Variants in MAP3K4 observed in about 807,000 individuals in gnomAD.
MAP3K4 encodes MAP three kinase 1.
MAP3K4 carries 67 observed loss-of-function variants against 185.6 expected under a neutral mutation model. The ratio of observed to expected loss-of-function variants is 0.36; its 90% CI spans 0.30 to 0.44. MAP3K4 has a LOEUF of 0.44. Among genes scored for constraint, MAP3K4 ranks in the 20% least tolerant of loss-of-function variants. The probability of loss-of-function intolerance (pLI) is 1.00; values close to 1 mark genes in which losing one functional copy is unlikely to be tolerated. For missense variants in MAP3K4, 1,551 were observed against 1,995.1 expected (o/e 0.78, Z 4.24); for synonymous variants, 702 against 710.4 (o/e 0.99, Z 0.19).
intron 1 of MAP3K4, among the ~76,000 whole-genome samples, chr6:161,001,006 ACACATAT>A (rs1781272130): frequency 1.4e-5 from 1 of 72,394 alleles, no homozygotes; most frequent in Non-Finnish European, 2.7e-5. Flanking sequence ...ATTATAATAT[ACACATAT>A]GTATATAATA....
intron 2 of MAP3K4, among the ~76,000 whole-genome samples, chr6:161,044,974 G>A (rs1182552893): frequency 2.0e-5 from 3 of 152,046 alleles, no homozygotes; most frequent in African/African-American, 7.2e-5. Flanking sequence ...CCAACACTGG[G>A]GGTCACATTT....
intron 1 of MAP3K4, among the ~76,000 whole-genome samples, chr6:161,006,597 G>A (rs1294807495): frequency 6.6e-6 from 1 of 152,122 alleles, no homozygotes; most frequent in Non-Finnish European, 1.5e-5. Flanking sequence ...ATCCCTCGTA[G>A]ATACTGAAGG....
At position 161,087,753 on chromosome 6, in the gene MAP3K4, T is replaced by C; in HGVS notation, c.2622T>C (p.Ser874=). The C allele has an allele frequency of 6.2e-7, 1 of 1,614,016 alleles. No individual in the cohort carries two copies. ...CAGACACTCTTGCTGAGGAGAAGAGTATTATTTTGCAGTTACTCAATGCAG... is the reference window on the plus strand; with the variant it reads ...CAGACACTCTTGCTGAGGAGAAGAGCATTATTTTGCAGTTACTCAATGCAG... ...FVPDTLAEEK[S]IILQLLNAAA... is the part of the protein sequence containing the mutation. The change falls in exon 10 of 27, where the codon AGT becomes AGC. Residue 874 remains serine, a synonymous_variant. Transcript: ENST00000392142. This position sits in a 1 kb window ranked among gnomAD's most constrained non-coding sequence, Gnocchi z 4.9.
rs2115070385 is a variant in MAP3K4 at position 161,008,934 on chromosome 6, A to G, written c.152+16851A>G. 6.6e-6 allele frequency among the ~76,000 whole-genome samples: 1 copy of G among 151,012 alleles called. No individual in the cohort carries two copies. Among genetic ancestry groups the G allele is most frequent in the Non-Finnish European group, 1.5e-5 (1 of 67,842 alleles). ...ATTTTGCTCAATGGGTATAATGTTT[A>G]TACCCATTGTATAAATGTATCATGG... is the stretch of plus-strand genomic sequence containing the variant. On this transcript the variant is annotated intron_variant, in intron 1 of 26. Transcript: ENST00000392142. The surrounding 1 kb of genome is among the most constrained non-coding windows in gnomAD (Gnocchi z 4.1).
In MAP3K4 at chr6:161,048,490, C is replaced by CT; in HGVS notation, c.344-118dup. On this transcript the variant is annotated intron_variant, in intron 2 of 26. Transcript: ENST00000392142. The surrounding 1 kb of genome is among the most constrained non-coding windows in gnomAD (Gnocchi z 4.7). ...CCTTTAATTTTTAGGATATGGTATG[C>CT]TTTTTTTTCTTCCATTAGCAGTCTG... The CT allele has an allele frequency of 4.4e-5, 27 of 620,666 alleles. No individual in the cohort carries two copies. Among genetic ancestry groups the CT allele is most frequent in the Middle Eastern group, 4.4e-4 (1 of 2,286 alleles). 38.4% of individuals were successfully genotyped at this position (620,666 alleles called of 1,614,324 possible).
Position 161,085,097 on chromosome 6 carries a change from G to A in MAP3K4, c.2372+480G>A, listed in dbSNP as rs181313978. On this transcript the variant is annotated intron_variant, in intron 7 of 26. Coordinates refer to ENST00000392142, the MANE Select transcript of MAP3K4 (RefSeq NM_005922.4). ...GGAGGCAGAGGTTGCAGTGAGCCAA[G>A]ATCATGCCACTGCACTCCAGCCTGG... is the stretch of plus-strand genomic sequence containing the variant. Among the ~76,000 whole-genome samples, 57 of 150,666 alleles carry A rather than the reference G, an allele frequency of 3.8e-4. No individual in the cohort carries two copies. In the South Asian group the frequency reaches 5.8e-3, roughly 15 times the overall value.
At position 161,031,701 on chromosome 6, in the gene MAP3K4, G is replaced by A. The variant is rs144983288; in HGVS notation, c.153-2558G>A. Among the ~76,000 whole-genome samples, 552 of 152,070 alleles carry A rather than the reference G, an allele frequency of 3.6e-3. 2 individuals are homozygous for A. Among genetic ancestry groups the A allele is most frequent in the Non-Finnish European group, 5.5e-3 (377 of 67,980 alleles). On this transcript the variant is annotated intron_variant, in intron 1 of 26. Transcript: ENST00000392142. The stretch of plus-strand genomic sequence containing the variant: ...CAAAACAGACCATTTTATATTTTTC[G>A]TAGCCCTTTGTTTCCATTACTTTAA...
chr6:161,023,428 T>C (rs569303636), intron 1 of MAP3K4, among the ~76,000 whole-genome samples: 8 of 152,332 alleles, frequency 5.3e-5, no homozygotes, highest in African/African-American at 1.9e-4. Context: ...AATCAGTATG[T>C]TTAGGTTATG....
chr6:161,098,212 G>T lies in MAP3K4; in HGVS notation c.3525-66G>T. On this transcript the variant is annotated intron_variant, in intron 16 of 26. Coordinates refer to ENST00000392142, the MANE Select transcript of MAP3K4 (RefSeq NM_005922.4). The surrounding 1 kb of genome is among the most constrained non-coding windows in gnomAD (Gnocchi z 4.4). ...CCCTTGCCATATTTTATTTTTAATT[G>T]AAAACAATTTTCAAGTCCGTTCCCT... 1.2e-5 allele frequency: 17 copies of T among 1,457,650 alleles called. No homozygotes were observed. Among genetic ancestry groups the T allele is most frequent in the South Asian group, 7.1e-5 (5 of 70,134 alleles). 90.3% of individuals were successfully genotyped at this position (1,457,650 alleles called of 1,614,324 possible). A position where few individuals can be genotyped will look rare whatever the true frequency, so the allele number is the denominator to read the frequency against.
intron 3 of MAP3K4, among the ~76,000 whole-genome samples, chr6:161,065,912 T>C (rs1583187012): frequency 1.1e-5 from 1 of 94,072 alleles, no homozygotes. Context: ...CACTCCAGCC[T>C]GGGCAAAAGA....
At position 161,065,867 on chromosome 6, in the gene MAP3K4, G is replaced by A. The variant is rs1214380214; in HGVS notation, c.1708-4741G>A. 2.7e-5 allele frequency among the ~76,000 whole-genome samples: 4 copies of A among 149,408 alleles called. No individual in the cohort carries two copies. The Admixed American group carries it at 2.7e-4, about 10-fold the overall frequency. On this transcript the variant is annotated intron_variant, in intron 3 of 26. Transcript: ENST00000392142. ...GCAGGAGAATGGCGTGAACCCGGGA[G>A]GCGGAGCTTGCAGTGAGCCGAGATC...
chr6:161,029,838 GTGTTT>G (rs1185638191), intron 1 of MAP3K4, among the ~76,000 whole-genome samples: 2 of 151,668 alleles, frequency 1.3e-5, no homozygotes, highest in Admixed American at 6.6e-5. Flanking sequence ...TTGTGTATAA[GTGTTT>G]TGTTTGTTTG....
chr6:161,108,011 C>A lies in MAP3K4; in HGVS notation c.4119+42C>A. On this transcript the variant is annotated intron_variant, in intron 21 of 26. Transcript: ENST00000392142. This position sits in a 1 kb window ranked among gnomAD's most constrained non-coding sequence, Gnocchi z 5.7. ...CGTGGGGCCTTTGGGCCTGGCGGCT[C>A]TGGGTGATAGAAATTCCGTATAGAC... 2 of 1,577,586 alleles carry A rather than the reference C, an allele frequency of 1.3e-6. No individual in the cohort carries two copies. The highest frequency in any genetic ancestry group is 1.3e-5 in the African/African-American group (1 of 74,162).
In MAP3K4 at chr6:161,095,637, A is replaced by G. The variant is rs7775538; in HGVS notation, c.3428-1443A>G. ...CAATTGGAGAAATGTCTCCAAGTCA[A>G]CAGGTATTGATCTCACTTGTTCTTT... On this transcript the variant is annotated intron_variant, in intron 15 of 26. Transcript: ENST00000392142. 5.9e-3 allele frequency among the ~76,000 whole-genome samples: 903 copies of G among 152,312 alleles called. 5 individuals carry two copies. The highest frequency in any genetic ancestry group is 9.5e-3 in the Non-Finnish European group (649 of 68,014).
intron 1 of MAP3K4, among the ~76,000 whole-genome samples, chr6:161,020,063 C>T (rs776734331): frequency 6.6e-6 from 1 of 152,172 alleles, no homozygotes; most frequent in Admixed American, 6.5e-5. Context: ...GCTAGTACAA[C>T]AGGAACTTTG....
intron 2 of MAP3K4, among the ~76,000 whole-genome samples, chr6:161,036,529 A>G (rs919330988): frequency 8.5e-5 from 13 of 152,130 alleles, no homozygotes; most frequent in Non-Finnish European, 5.9e-5. Flanking sequence ...ATGCTGTACT[A>G]TCTTTACTAT....
chr6:161,097,215 C>A lies in MAP3K4; in HGVS notation c.3524+39C>A. On this transcript the variant is annotated intron_variant, in intron 16 of 26. Transcript: ENST00000392142. The surrounding 1 kb of genome is among the most constrained non-coding windows in gnomAD (Gnocchi z 4.9). ...ATCTAGTCATTTGCTTTACAGAGTG[C>A]CCTCCGATATGCATGCTCATACTTT... is the stretch of plus-strand genomic sequence containing the variant. 1 of 1,542,690 alleles carries A rather than the reference C, an allele frequency of 6.5e-7. No homozygotes were observed.
At chr6:161,060,764 C>A (rs1035383809) in intron 3 of MAP3K4, among the ~76,000 whole-genome samples, 1 of 151,888 alleles carries the variant, frequency 6.6e-6, no homozygotes, top group Non-Finnish European at 1.5e-5. Context: ...GGATTACAGG[C>A]ATGCGCCACC....
intron 2 of MAP3K4, among the ~76,000 whole-genome samples, chr6:161,045,878 G>A (rs1264330077): frequency 1.3e-5 from 2 of 151,794 alleles, no homozygotes; most frequent in African/African-American, 4.8e-5. Flanking sequence ...TCATTTATTT[G>A]GGTGTACATA....
Sources: allele counts gnomAD v4.1 joint callset (sites outside exome capture counted in the v4.1 genomes callset), GRCh38; gene constraint gnomAD v4.1.1; non-coding constraint Gnocchi (gnomAD v3.1); transcripts MANE v1.5; gene names NCBI Gene and HGNC (gene_info 2026-07-23, HGNC 2026-07-21).